NELL2: variants seen among roughly 807,000 people sequenced by gnomAD.
The protein encoded by NELL2 is protein kinase C-binding protein NELL2.
A neutral mutation model predicts 109.6 loss-of-function variants in NELL2; 41 were observed. That is an observed-to-expected ratio of 0.37 (90% CI 0.29 to 0.49). The LOEUF (loss-of-function observed/expected upper bound fraction) is 0.49. Ranked by LOEUF, NELL2 falls within the 20% of genes least tolerant of loss-of-function variation. The pLI is 0.98. For synonymous variants in NELL2, 355 were observed against 344.7 expected (o/e 1.03, Z -0.33); for missense variants, 900 against 1,008.3 (o/e 0.89, Z 1.45).
At chr12:44,640,825 T>C (rs1946827405) in intron 13 of NELL2, among the ~76,000 whole-genome samples, 1 of 152,244 alleles carries the variant, frequency 6.6e-6, no homozygotes, top group Non-Finnish European at 1.5e-5. Flanking sequence ...CATATTTCCT[T>C]CCGTCATCAA....
chr12:44,602,082 A>T (rs553302252), intron 15 of NELL2, among the ~76,000 whole-genome samples: 1 of 152,320 alleles, frequency 6.6e-6, no homozygotes, highest in Admixed American at 6.5e-5. Context: ...GCCTTTGGTG[A>T]GAGTGCTTTT....
chr12:44,532,662 G>C lies in NELL2; in HGVS notation c.1723C>G (p.Leu575Val). ...QCDSRANCIN[L>V]PGWYHCECRD... ...CACTCACAGTGGTACCATCCAGGCA[G>C]GTTAATGCAATTAGCACGACTGTCA... Residue 575 changes from leucine to valine, a missense_variant, in exon 16 of 20, where the codon CTG becomes GTG. This residue lies in a region of NELL2 where 333 missense variants were observed against 432.3 expected (regional missense o/e 0.77). Transcript: ENST00000429094. 6.2e-7 allele frequency: 1 copy of C among 1,613,568 alleles called. No individual in the cohort carries two copies.
intron 9 of NELL2, among the ~76,000 whole-genome samples, chr12:44,755,051 C>T (rs1940823161): frequency 6.6e-6 from 1 of 152,154 alleles, no homozygotes. Flanking sequence ...CATAACTACA[C>T]ACATCCCACC....
intron 12 of NELL2, among the ~76,000 whole-genome samples, chr12:44,687,495 C>T (rs1411293671): frequency 1.3e-5 from 2 of 152,240 alleles, no homozygotes; most frequent in East Asian, 1.9e-4. Flanking sequence ...CAGGCCCAAG[C>T]TTCCACTTCC....
chr12:44,801,470 T>C (rs1372985739), intron 3 of NELL2, among the ~76,000 whole-genome samples: 2 of 152,108 alleles, frequency 1.3e-5, no homozygotes, highest in Non-Finnish European at 2.9e-5. Context: ...AAGCTCATGG[T>C]GCTGCTCTAA....
intron 13 of NELL2, among the ~76,000 whole-genome samples, chr12:44,633,983 G>A (rs953449348): frequency 3.3e-5 from 5 of 152,098 alleles, no homozygotes; most frequent in Admixed American, 1.3e-4. Flanking sequence ...AAGCTCTATC[G>A]TAAAATAAAA....
At chr12:44,699,971 T>A (rs1477803755) in intron 12 of NELL2, among the ~76,000 whole-genome samples, 2 of 152,146 alleles carry the variant, frequency 1.3e-5, no homozygotes, top group Non-Finnish European at 1.5e-5. Context: ...AATTCCAAAT[T>A]TTCTGTCTAA....
intron 15 of NELL2, among the ~76,000 whole-genome samples, chr12:44,554,329 A>T (rs1943156514): frequency 6.6e-6 from 1 of 152,168 alleles, no homozygotes; most frequent in Non-Finnish European, 1.5e-5. Context: ...GGTGAGAATA[A>T]ATCAAATATA....
intron 9 of NELL2, among the ~76,000 whole-genome samples, chr12:44,723,186 G>A (rs914715557): frequency 4.8e-5 from 7 of 146,932 alleles, no homozygotes; most frequent in South Asian, 2.1e-4. Flanking sequence ...GCAAGACTCC[G>A]TCTCAAAAAA....
At chr12:44,608,357 C>A (rs534893648) in intron 14 of NELL2, among the ~76,000 whole-genome samples, 1 of 151,954 alleles carries the variant, frequency 6.6e-6, no homozygotes, top group Non-Finnish European at 1.5e-5. Flanking sequence ...TTGGTTTAAA[C>A]CTCATAAGTG....
intron 13 of NELL2, among the ~76,000 whole-genome samples, chr12:44,616,538 A>C (rs1700257031): frequency 6.6e-6 from 1 of 152,206 alleles, no homozygotes; most frequent in South Asian, 2.1e-4. Context: ...ATGCTAAATA[A>C]GTCTTGGAGC....
chr12:44,588,141 A>C (rs551607134), intron 15 of NELL2, among the ~76,000 whole-genome samples: 10 of 151,614 alleles, frequency 6.6e-5, no homozygotes, highest in Admixed American at 5.3e-4. Context: ...ACTGCACTCC[A>C]GCCTGGGTGA....
chr12:44,638,073 G>A (rs1042500131), intron 13 of NELL2, among the ~76,000 whole-genome samples: 2 of 151,854 alleles, frequency 1.3e-5, no homozygotes, highest in Admixed American at 6.6e-5. Context: ...TCTCACTCCC[G>A]AGAATTTTCT....
chr12:44,679,455 T>A (rs1948425609), intron 12 of NELL2, among the ~76,000 whole-genome samples: 1 of 152,068 alleles, frequency 6.6e-6, no homozygotes, highest in Non-Finnish European at 1.5e-5. Flanking sequence ...GCTGTGTGAA[T>A]CCACCACCTG....
intron 1 of NELL2, among the ~76,000 whole-genome samples, chr12:44,906,858 G>A (rs540996748): frequency 6.6e-6 from 1 of 152,188 alleles, no homozygotes; most frequent in African/African-American, 2.4e-5. Flanking sequence ...ATATGTATCT[G>A]GGACTCATAA....
In NELL2 at chr12:44,574,094, C is replaced by T. The variant is rs1470776559; in HGVS notation, c.1663+33075G>A. On this transcript the variant is annotated intron_variant, in intron 15 of 19. Transcript: ENST00000429094. ...TTATTTTTTTTTTGAGATGGAGTCT[C>T]GTTCTGTTGCCCAGGCTGGATTGTA... 2.6e-5 allele frequency among the ~76,000 whole-genome samples: 4 copies of T among 150,988 alleles called. 1 individual carries two copies. In the South Asian group the frequency reaches 6.3e-4, roughly 24 times the overall value.
chr12:44,540,781 C>CAAAAAAAAAATA (rs1942519376), intron 15 of NELL2, among the ~76,000 whole-genome samples: 1 of 49,750 alleles, frequency 2.0e-5, no homozygotes, highest in Non-Finnish European at 3.4e-5. Flanking sequence ...GTCTGCAAGC[C>CAAAAAAAAAATA]AAAAAAAAAA....
At chr12:44,612,297 T>A (rs1330821967) in intron 13 of NELL2, among the ~76,000 whole-genome samples, 1 of 152,048 alleles carries the variant, frequency 6.6e-6, no homozygotes, top group Non-Finnish European at 1.5e-5. Flanking sequence ...TCTCATTCTA[T>A]ATGAGCACAA....
intron 15 of NELL2, among the ~76,000 whole-genome samples, chr12:44,553,007 A>T (rs1198964705): frequency 2.0e-5 from 3 of 151,560 alleles, no homozygotes; most frequent in Non-Finnish European, 4.4e-5. Context: ...TTCTCAGTAA[A>T]CTATCGCAAG....
Sources: allele counts gnomAD v4.1 joint callset (sites outside exome capture counted in the v4.1 genomes callset), GRCh38; gene constraint gnomAD v4.1.1; regional missense constraint gnomAD v4.1.1; transcripts MANE v1.5; gene names NCBI Gene and HGNC (gene_info 2026-07-23, HGNC 2026-07-21).